The following STAG1 variants were observed in gnomAD, a reference collection of about 807,000 sequenced individuals.
STAG1 encodes STAG1 cohesin complex component, also known as cohesin subunit SA-1.
STAG1 carries 26 observed loss-of-function variants against 170.9 expected under a neutral mutation model. The ratio of observed to expected loss-of-function variants is 0.15; its 90% CI spans 0.11 to 0.21. STAG1 has a LOEUF of 0.21. Among genes scored for constraint, STAG1 ranks in the 10% least tolerant of loss-of-function variants. STAG1 has a pLI of 1.00. For missense variants in STAG1, 964 were observed against 1,509.5 expected (o/e 0.64, Z 5.99); for synonymous variants, 514 against 497.7 (o/e 1.03, Z -0.44).
At chr3:136,724,831 G>C (rs2107933970) in intron 1 of STAG1, among the ~76,000 whole-genome samples, 1 of 152,214 alleles carries the variant, frequency 6.6e-6, no homozygotes, top group Middle Eastern at 3.4e-3. Flanking sequence ...GAAAATAAAG[G>C]CAGGAGGGGA....
At chr3:136,679,904 A>T (rs1942278133) in intron 1 of STAG1, among the ~76,000 whole-genome samples, 1 of 152,068 alleles carries the variant, frequency 6.6e-6, no homozygotes, top group South Asian at 2.1e-4. Context: ...TCTGTCTCAG[A>T]AATAAATAAA....
chr3:136,449,108 A>T (rs1201763991), intron 14 of STAG1, among the ~76,000 whole-genome samples: 2 of 152,212 alleles, frequency 1.3e-5, no homozygotes, highest in African/African-American at 4.8e-5. Flanking sequence ...CATTCATCCT[A>T]GGTGTACACT....
chr3:136,751,244 A>G (rs1282193854), intron 1 of STAG1, among the ~76,000 whole-genome samples: 2 of 150,160 alleles, frequency 1.3e-5, no homozygotes, highest in African/African-American at 4.9e-5. Context: ...CCGGAGCACG[A>G]TTCCCTGCAA....
intron 21 of STAG1, among the ~76,000 whole-genome samples, chr3:136,413,455 T>C (rs2087685549): frequency 6.6e-6 from 1 of 151,688 alleles, no homozygotes; most frequent in African/African-American, 2.4e-5. Flanking sequence ...CTGCCACATA[T>C]TATTATTATT....
intron 4 of STAG1, among the ~76,000 whole-genome samples, chr3:136,581,146 C>A (rs1937583173): frequency 6.6e-6 from 1 of 152,146 alleles, no homozygotes; most frequent in Non-Finnish European, 1.5e-5. Context: ...CCAGCAAGCC[C>A]AGACAAGAAC....
At chr3:136,553,437 C>T (rs1334039719) in intron 5 of STAG1, among the ~76,000 whole-genome samples, 2 of 152,138 alleles carry the variant, frequency 1.3e-5, no homozygotes, top group African/African-American at 4.8e-5. Flanking sequence ...TCTACGCCTA[C>T]AGCAAAACAT....
At chr3:136,410,068 TAAA>T (rs766763989) in intron 21 of STAG1, among the ~76,000 whole-genome samples, 2 of 93,078 alleles carry the variant, frequency 2.1e-5, no homozygotes, top group Admixed American at 1.3e-4. Context: ...AGTCCTTGTC[TAAA>T]AAAAAAAAAA....
intron 5 of STAG1, among the ~76,000 whole-genome samples, chr3:136,553,381 T>C (rs926281197): frequency 1.3e-5 from 2 of 152,080 alleles, no homozygotes; most frequent in African/African-American, 4.8e-5. Context: ...TTAAGAAATT[T>C]TAGAATGAAT....
intron 1 of STAG1, among the ~76,000 whole-genome samples, chr3:136,652,280 G>GA (rs1288894864): frequency 1.7e-4 from 26 of 152,180 alleles, no homozygotes; most frequent in Non-Finnish European, 3.2e-4. Flanking sequence ...CGCACTTGTA[G>GA]AAAAATTCTC....
At chr3:136,737,168 G>A in intron 1 of STAG1, 1 of 758,810 alleles carries the variant, frequency 1.3e-6, no homozygotes, top group East Asian at 2.6e-5. Flanking sequence ...TCACCTCACT[G>A]TAGAAGGTCA....
intron 6 of STAG1, among the ~76,000 whole-genome samples, chr3:136,535,391 G>A (rs902182063): frequency 2.0e-5 from 3 of 152,204 alleles, no homozygotes; most frequent in Admixed American, 6.5e-5. Context: ...AGCTGGGTGC[G>A]GTGGCTCATG....
chr3:136,669,736 G>A (rs1402128314), intron 1 of STAG1, among the ~76,000 whole-genome samples: 4 of 152,098 alleles, frequency 2.6e-5, no homozygotes, highest in African/African-American at 9.7e-5. Context: ...TCAAAATTTT[G>A]TGTTTAAAAA....
chr3:136,405,575 G>T (rs2087457738), intron 21 of STAG1, among the ~76,000 whole-genome samples: 2 of 151,420 alleles, frequency 1.3e-5, no homozygotes, highest in South Asian at 2.1e-4. Flanking sequence ...AATATGTTAG[G>T]CCAGGTGTGG....
intron 1 of STAG1, among the ~76,000 whole-genome samples, chr3:136,676,188 G>T (rs541142431): frequency 6.6e-6 from 1 of 152,180 alleles, no homozygotes; most frequent in Non-Finnish European, 1.5e-5. Flanking sequence ...TTGCAGAACT[G>T]TAAGTTGCTC....
At chr3:136,679,513 G>A (rs1404476201) in intron 1 of STAG1, among the ~76,000 whole-genome samples, 1 of 152,142 alleles carries the variant, frequency 6.6e-6, no homozygotes, top group Non-Finnish European at 1.5e-5. Context: ...CGGATCATGA[G>A]GTCAGGAGAT....
chr3:136,504,846 C>T (rs1933674714), intron 7 of STAG1, among the ~76,000 whole-genome samples: 1 of 152,126 alleles, frequency 6.6e-6, no homozygotes, highest in South Asian at 2.1e-4. Context: ...AGATCCCAAA[C>T]TCCAAATGTC....
intron 1 of STAG1, among the ~76,000 whole-genome samples, chr3:136,699,746 C>A (rs1942996048): frequency 6.6e-6 from 1 of 151,786 alleles, no homozygotes; most frequent in South Asian, 2.1e-4. Flanking sequence ...CTTTGTGTAT[C>A]CTTTCAGAAA....
At chr3:136,686,676 C>A (rs1161920983) in intron 1 of STAG1, among the ~76,000 whole-genome samples, 2 of 152,100 alleles carry the variant, frequency 1.3e-5, no homozygotes, top group African/African-American at 4.8e-5. Context: ...AAGTAACCAA[C>A]TGAACAGATC....
intron 32 of STAG1, among the ~76,000 whole-genome samples, chr3:136,340,270 G>A (rs531995426): frequency 5.9e-5 from 9 of 152,110 alleles, no homozygotes; most frequent in Admixed American, 2.0e-4. Flanking sequence ...TTACGGGCAC[G>A]TGCCACCACG....
Sources: allele counts gnomAD v4.1 joint callset (sites outside exome capture counted in the v4.1 genomes callset), GRCh38; gene constraint gnomAD v4.1.1; transcripts MANE v1.5; gene names NCBI Gene and HGNC (gene_info 2026-07-23, HGNC 2026-07-21).